The following LRRC37A2 variants were observed in gnomAD, a reference collection of about 807,000 sequenced individuals.
The protein encoded by LRRC37A2 is leucine-rich repeat-containing protein 37A2.
In LRRC37A2, 9 loss-of-function variants were observed where a neutral mutation model predicts 68.8. The ratio of observed to expected loss-of-function variants is 0.13; its 90% CI spans 0.08 to 0.23. LRRC37A2 has a LOEUF of 0.23. Ranked by LOEUF, LRRC37A2 falls within the 10% of genes least tolerant of loss-of-function variation. The pLI is 1.00. For synonymous variants in LRRC37A2, 63 were observed against 367.6 expected, an observed-to-expected ratio of 0.17 and a Z score of 9.48; for missense variants, 168 against 950.4, an observed-to-expected ratio of 0.18 and a Z score of 10.82.
the LRRC37A2 span, among the ~76,000 whole-genome samples, chr17:46,734,892 C>T: frequency 6.6e-6 from 1 of 151,734 alleles, no homozygotes; most frequent in African/African-American, 2.4e-5. Context: ...CCAGTCTTTA[C>T]AAAAAAAAGT....
At chr17:46,953,588 G>A in the LRRC37A2 span, among the ~76,000 whole-genome samples, 1 of 152,140 alleles carries the variant, frequency 6.6e-6, no homozygotes, top group African/African-American at 2.4e-5. Context: ...GGGTCAAATG[G>A]TATTTCTAGT....
chr17:46,923,144 G>T, the LRRC37A2 span: 2 of 1,250,650 alleles, frequency 1.6e-6, no homozygotes, highest in Non-Finnish European at 2.3e-6. Context: ...CTGTGAGGAC[G>T]TGTTCCGAGG....
chr17:46,745,101 G>A, the LRRC37A2 span, among the ~76,000 whole-genome samples: 3 of 152,070 alleles, frequency 2.0e-5, no homozygotes, highest in Non-Finnish European at 4.4e-5. Flanking sequence ...TAAGACTGGT[G>A]GCCACACATT....
At chr17:46,890,679 G>A in the LRRC37A2 span, among the ~76,000 whole-genome samples, 7 of 152,206 alleles carry the variant, frequency 4.6e-5, no homozygotes, top group East Asian at 3.9e-4. Flanking sequence ...TTGTGATGGC[G>A]TTGTCCATAG....
At chr17:46,768,584 T>C in the LRRC37A2 span, 1 of 1,614,160 alleles carries the variant, frequency 6.2e-7, no homozygotes, top group South Asian at 1.1e-5. The surrounding 1 kb of genome is among the most constrained non-coding windows in gnomAD (Gnocchi z 5.0). Context: ...TCTCCGTGGG[T>C]GGCTTGAAGA....
chr17:46,777,473 G>A, the LRRC37A2 span, among the ~76,000 whole-genome samples: 1 of 152,236 alleles, frequency 6.6e-6, no homozygotes, highest in African/African-American at 2.4e-5. Flanking sequence ...TGCCTGCATG[G>A]CTTGATTGGC....
chr17:46,707,282 A>G, the LRRC37A2 span, among the ~76,000 whole-genome samples: 4 of 152,234 alleles, frequency 2.6e-5, no homozygotes, highest in Non-Finnish European at 5.9e-5. Context: ...ATTGTGTGAA[A>G]TAGTGTCCAA....
the LRRC37A2 span, chr17:46,923,841 A>G: frequency 0.023 from 9,034 of 399,076 alleles, 225 homozygotes; most frequent in African/African-American, 0.083. Flanking sequence ...ATCGTCCTGC[A>G]CTTTCGGAAT....
the LRRC37A2 span, among the ~76,000 whole-genome samples, chr17:46,974,548 C>T: frequency 2.9e-4 from 44 of 152,116 alleles, no homozygotes; most frequent in Admixed American, 6.5e-4. Flanking sequence ...TCCTGGCTAA[C>T]ACGGTGAAAC....
chr17:46,691,473 C>T, the LRRC37A2 span, among the ~76,000 whole-genome samples: 2 of 126,310 alleles, frequency 1.6e-5, no homozygotes, highest in Non-Finnish European at 3.3e-5. Context: ...CACATGCCTA[C>T]AATCCCAGCT....
At chr17:46,667,579 A>C in the LRRC37A2 span, among the ~76,000 whole-genome samples, 3 of 141,570 alleles carry the variant, frequency 2.1e-5, no homozygotes, top group African/African-American at 7.6e-5. Flanking sequence ...GTGAAATCTA[A>C]ATTTGAGAAC....
the LRRC37A2 span, chr17:47,034,906 CT>C: frequency 6.6e-6 from 1 of 152,144 alleles, no homozygotes; most frequent in Non-Finnish European, 1.5e-5. Context: ...CACATTCTTT[CT>C]CTTTGTAACA....
chr17:46,825,939 C>T, the LRRC37A2 span, among the ~76,000 whole-genome samples: 5 of 152,268 alleles, frequency 3.3e-5, no homozygotes, highest in African/African-American at 1.2e-4. Context: ...AGGAGAATCA[C>T]TTGAATCCAG....
chr17:46,887,911 G>C, the LRRC37A2 span, among the ~76,000 whole-genome samples: 1 of 152,146 alleles, frequency 6.6e-6, no homozygotes, highest in Non-Finnish European at 1.5e-5. Context: ...AAACACAGAA[G>C]ACAGATAAAC....
chr17:46,774,581 A>G, the LRRC37A2 span, among the ~76,000 whole-genome samples: 1 of 152,232 alleles, frequency 6.6e-6, no homozygotes, highest in Non-Finnish European at 1.5e-5. Context: ...TGTCAAAACA[A>G]GTTTAGCACA....
the LRRC37A2 span, among the ~76,000 whole-genome samples, chr17:47,036,609 T>C: frequency 6.6e-6 from 1 of 151,890 alleles, no homozygotes; most frequent in Non-Finnish European, 1.5e-5. Flanking sequence ...TATTTCCACG[T>C]AGAATTGTTG....
chr17:46,816,643 T>C, the LRRC37A2 span, among the ~76,000 whole-genome samples: 78 of 152,266 alleles, frequency 5.1e-4, no homozygotes, highest in Non-Finnish European at 1.0e-3. Context: ...TTCTTCCTAT[T>C]GGGCAATCCC....
chr17:46,722,104 C>T, the LRRC37A2 span: 4 of 1,611,568 alleles, frequency 2.5e-6, no homozygotes, highest in Middle Eastern at 2.2e-4. Context: ...GGGAGATGGC[C>T]GGACTCGAAC....
the LRRC37A2 span, among the ~76,000 whole-genome samples, chr17:46,735,143 G>A: frequency 6.6e-6 from 1 of 152,080 alleles, no homozygotes; most frequent in East Asian, 1.9e-4. Context: ...TCAAAATAGG[G>A]TTTTGTTTTG....
Sources: allele counts gnomAD v4.1 joint callset (sites outside exome capture counted in the v4.1 genomes callset), GRCh38; gene constraint gnomAD v4.1.1; non-coding constraint Gnocchi (gnomAD v3.1); transcripts MANE v1.5; gene names NCBI Gene and HGNC (gene_info 2026-07-23, HGNC 2026-07-21).